Variants in COQ8A observed in about 807,000 individuals in gnomAD.
COQ8A encodes coenzyme Q8A.
In COQ8A, 51 loss-of-function variants were observed where a neutral mutation model predicts 65.0. The observed-to-expected ratio is 0.78, with a 90% CI of 0.63 to 0.99. COQ8A has a LOEUF of 0.99. Among genes scored for constraint, COQ8A ranks in the 50% least tolerant of loss-of-function variants. The probability of loss-of-function intolerance (pLI) is 0.00; values close to 1 mark genes in which losing one functional copy is unlikely to be tolerated. For synonymous variants in COQ8A, 371 were observed against 353.2 expected (o/e 1.05, Z -0.57); for missense variants, 940 against 875.0 (o/e 1.07, Z -0.94).
intron 4 of COQ8A, among the ~76,000 whole-genome samples, chr1:226,976,458 G>A (rs1659238728): frequency 6.6e-6 from 1 of 150,852 alleles, no homozygotes; most frequent in African/African-American, 2.5e-5. Flanking sequence ...GATGTTGCCC[G>A]GGTGCGGGGT....
chr1:226,973,614 C>T (rs542052995), intron 4 of COQ8A, among the ~76,000 whole-genome samples: 4 of 152,348 alleles, frequency 2.6e-5, no homozygotes, highest in Admixed American at 6.5e-5. Context: ...CTCGCCTTCC[C>T]GTGCCCCTTC....
Position 226,986,497 on chromosome 1 carries a change from G to A in COQ8A, c.1704G>A (p.Glu568=). Residue 568 remains glutamate, a synonymous_variant, in exon 15 of 15, where the codon GAG becomes GAA. Transcript: ENST00000366777. ...TGGATGCCATCCTCATCCTGGGGGA[G>A]GCCTTCGCCTCTGATGAGCCTTTTG... ...AHLDAILILG[E]AFASDEPFDF... 1 of 1,613,520 alleles carries A rather than the reference G, an allele frequency of 6.2e-7. No individual in the cohort carries two copies.
rs114636821 is a variant in COQ8A at position 226,949,555 on chromosome 1, C to T, written c.-10+9156C>T. 0.013 allele frequency among the ~76,000 whole-genome samples: 1,960 copies of T among 152,182 alleles called. 39 individuals carry two copies. Among genetic ancestry groups the T allele is most frequent in the African/African-American group, 0.043 (1,778 of 41,512 alleles). On this transcript the variant is annotated intron_variant, in intron 1 of 14. Transcript: ENST00000366777. The surrounding 1 kb of genome is among the most constrained non-coding windows in gnomAD (Gnocchi z 4.0). ...AGCAGGCTGCCAGCACTTTGGACTG[C>T]CTCTCCTGAATGATGCCTCATACCA...
In COQ8A at chr1:226,944,374, G is replaced by A. The variant is rs560877178; in HGVS notation, c.-10+3975G>A. 1.2e-4 allele frequency among the ~76,000 whole-genome samples: 18 copies of A among 152,176 alleles called. 1 individual carries two copies. Among genetic ancestry groups the A allele is most frequent in the Admixed American group, 9.2e-4 (14 of 15,298 alleles). On this transcript the variant is annotated intron_variant, in intron 1 of 14. Coordinates refer to ENST00000366777, the MANE Select transcript of COQ8A (RefSeq NM_020247.5). Reference sequence around the variant, plus strand: ...AGGTTTATTTAAATGTTTGGTACAGGAGAGCAGAGAGTGGGCTTGTGGGCT... The same window carrying A: ...AGGTTTATTTAAATGTTTGGTACAGAAGAGCAGAGAGTGGGCTTGTGGGCT...
chr1:226,958,185 A>C (rs1284053293), intron 1 of COQ8A: 1 of 152,228 alleles, frequency 6.6e-6, no homozygotes, highest in Non-Finnish European at 1.5e-5. Context: ...GATACTCCTC[A>C]GTAGCCATCG....
intron 4 of COQ8A, among the ~76,000 whole-genome samples, chr1:226,968,740 G>A (rs987299291): frequency 5.3e-5 from 8 of 152,186 alleles, no homozygotes; most frequent in Non-Finnish European, 1.0e-4. Context: ...CTATATAGAA[G>A]TGGAAGTCAA....
rs1248592558 is a variant in COQ8A, at chr1:226,971,297, AATCCCAGCACTTTGG to A, written c.655+5561_655+5575del. Among the ~76,000 whole-genome samples the A allele has an allele frequency of 2.0e-5, 3 of 151,774 alleles. No homozygotes were observed. In the East Asian group the frequency reaches 5.9e-4, roughly 30 times the overall value. ...GCTGGGCACGGTGGCTCATGCCTGT[AATCCCAGCACTTTGG>A]GAGGTCAGGGTGGGTGGATCATGAG... On this transcript the variant is annotated intron_variant, in intron 4 of 14. Transcript: ENST00000366777.
intron 1 of COQ8A, among the ~76,000 whole-genome samples, chr1:226,954,882 T>G (rs1187864986): frequency 6.6e-6 from 1 of 152,172 alleles, no homozygotes; most frequent in South Asian, 2.1e-4. Context: ...TGGTCACTGC[T>G]GTGCTGGAGG....
intron 4 of COQ8A, among the ~76,000 whole-genome samples, chr1:226,971,083 G>A (rs1466892157): frequency 1.3e-5 from 2 of 151,924 alleles, no homozygotes; most frequent in Non-Finnish European, 2.9e-5. Flanking sequence ...TGGGATTACA[G>A]GTGCATGCCA....
rs750042754 is a variant in COQ8A, at chr1:226,982,094, G to A, written c.798G>A (p.Thr266=). 57 of 1,611,980 alleles carry A rather than the reference G, an allele frequency of 3.5e-5. No homozygotes were observed. The highest frequency in any genetic ancestry group is 1.3e-4 in the Admixed American group (8 of 59,918). ...CCAATGCAGAGCGGATCGTGCGCAC[G>A]CTCTGCAAGGTGCGTGGTGCGGCAC... The part of the protein sequence containing the change: ...SEANAERIVR[T]LCKVRGAALK... Residue 266 remains threonine (T), a synonymous_variant, in exon 6 of 15, where the codon ACG becomes ACA. Coordinates refer to ENST00000366777, the MANE Select transcript of COQ8A (RefSeq NM_020247.5).
intron 2 of COQ8A, among the ~76,000 whole-genome samples, chr1:226,963,229 G>A (rs544473507): frequency 5.3e-5 from 8 of 152,362 alleles, no homozygotes; most frequent in South Asian, 2.1e-4. Context: ...CAGGAGGCAC[G>A]GGAGCAGGGT....
At position 226,986,509 on chromosome 1, in the gene COQ8A, T is replaced by C. The variant is rs3738725; in HGVS notation, c.1716T>C (p.Ser572=). The change falls in exon 15 of 15, where the codon TCT becomes TCC. Residue 572 remains serine (S), a synonymous_variant. Transcript: ENST00000366777. ...TCATCCTGGGGGAGGCCTTCGCCTCTGATGAGCCTTTTGATTTTGGCACTC... is the reference window on the plus strand; with the variant it reads ...TCATCCTGGGGGAGGCCTTCGCCTCCGATGAGCCTTTTGATTTTGGCACTC... ...AILILGEAFA[S]DEPFDFGTQS... The C allele has an allele frequency of 0.46, 749,820 of 1,613,056 alleles. 180,993 individuals are homozygous for C. The highest frequency in any genetic ancestry group is 0.51 in the Non-Finnish European group (601,791 of 1,179,806).
intron 2 of COQ8A, among the ~76,000 whole-genome samples, chr1:226,964,191 C>T (rs960518912): frequency 6.6e-6 from 1 of 152,180 alleles, no homozygotes; most frequent in Non-Finnish European, 1.5e-5. Flanking sequence ...CACTGGTCTC[C>T]CTCTAGAAGC....
intron 1 of COQ8A, among the ~76,000 whole-genome samples, chr1:226,952,893 C>G (rs532663882): frequency 6.6e-6 from 1 of 152,270 alleles, no homozygotes; most frequent in South Asian, 2.1e-4. Context: ...CTTCCTGTCA[C>G]CTCCCTCCCT....
intron 1 of COQ8A, among the ~76,000 whole-genome samples, chr1:226,953,783 G>A (rs551802146): frequency 2.6e-5 from 4 of 152,268 alleles, no homozygotes; most frequent in South Asian, 2.1e-4. Context: ...GATAGAAGCC[G>A]GGAGTTGCCC....
intron 4 of COQ8A, among the ~76,000 whole-genome samples, chr1:226,976,775 G>C (rs1659263358): frequency 1.3e-5 from 2 of 152,158 alleles, no homozygotes; most frequent in Non-Finnish European, 2.9e-5. Context: ...TTGTGAAAGA[G>C]GATAATGGGA....
chr1:226,955,731 C>T (rs1657680999), intron 1 of COQ8A, among the ~76,000 whole-genome samples: 2 of 132,322 alleles, frequency 1.5e-5, no homozygotes, highest in Admixed American at 7.2e-5. Flanking sequence ...CTCTCCCTGG[C>T]TCCCACTCTC....
chr1:226,969,190 G>A (rs114160188), intron 4 of COQ8A, among the ~76,000 whole-genome samples: 2,278 of 152,240 alleles, frequency 0.015, 56 homozygotes, highest in African/African-American at 0.047. Context: ...ATAAGCTATC[G>A]AGAGAGGCAT....
intron 1 of COQ8A, among the ~76,000 whole-genome samples, chr1:226,960,395 G>A (rs934339352): frequency 0.067 from 65 of 970 alleles, no homozygotes; most frequent in Middle Eastern, 0.25. Context: ...GGTGTCAGTG[G>A]TGGTACTTGG....
Sources: allele counts gnomAD v4.1 joint callset (sites outside exome capture counted in the v4.1 genomes callset), GRCh38; gene constraint gnomAD v4.1.1; non-coding constraint Gnocchi (gnomAD v3.1); transcripts MANE v1.5; gene names NCBI Gene and HGNC (gene_info 2026-07-23, HGNC 2026-07-21).